Variants in CALN1 observed in about 807,000 individuals in gnomAD.
The protein encoded by CALN1 is calcium-binding protein 8.
CALN1 carries 17 observed loss-of-function variants against 30.6 expected under a neutral mutation model. The observed-to-expected ratio is 0.56, with a 90% CI of 0.38 to 0.83. CALN1 has a LOEUF of 0.83. Ranked by LOEUF, CALN1 falls within the 40% of genes least tolerant of loss-of-function variation. The pLI, the probability that CALN1 is intolerant of heterozygous loss-of-function variation, is 0.00. For synonymous variants in CALN1, 156 were observed against 131.4 expected (o/e 1.19, Z -1.28); for missense variants, 291 against 354.9 (o/e 0.82, Z 1.45).
chr7:72,036,349 G>A (rs1034104165), intron 4 of CALN1, among the ~76,000 whole-genome samples: 1 of 152,118 alleles, frequency 6.6e-6, no homozygotes, highest in African/African-American at 2.4e-5. Flanking sequence ...CCTGGATATT[G>A]TCAATCTCCT....
At chr7:72,287,875 A>T (rs943168644) in intron 2 of CALN1, among the ~76,000 whole-genome samples, 1 of 152,298 alleles carries the variant, frequency 6.6e-6, no homozygotes, top group East Asian at 1.9e-4. Flanking sequence ...TCTGAACTGC[A>T]TATCTAGATA....
At chr7:72,207,056 T>C (rs937035994) in intron 3 of CALN1, among the ~76,000 whole-genome samples, 2 of 152,208 alleles carry the variant, frequency 1.3e-5, no homozygotes, top group Non-Finnish European at 1.5e-5. Context: ...AATGATAAAA[T>C]ATCAACTATT....
At chr7:72,490,464 C>T in the CALN1 span, among the ~76,000 whole-genome samples, 2 of 152,202 alleles carry the variant, frequency 1.3e-5, no homozygotes. Context: ...TCTAACTTCT[C>T]TGACCTCAAT....
the CALN1 span, among the ~76,000 whole-genome samples, chr7:72,468,868 T>C: frequency 1.3e-5 from 2 of 152,222 alleles, no homozygotes; most frequent in East Asian, 1.9e-4. Context: ...TTTGGGGAAA[T>C]GCCTGTTCAA....
intron 5 of CALN1, among the ~76,000 whole-genome samples, chr7:71,942,044 C>T (rs1584565697): frequency 6.6e-6 from 1 of 152,002 alleles, no homozygotes; most frequent in Non-Finnish European, 1.5e-5. Flanking sequence ...ACTAAAAATA[C>T]AAAAAGTAGC....
chr7:72,472,477 G>A, the CALN1 span, among the ~76,000 whole-genome samples: 2 of 152,114 alleles, frequency 1.3e-5, no homozygotes, highest in African/African-American at 4.8e-5. Context: ...TGTGTTTCCA[G>A]TTCTGCAACG....
chr7:71,976,007 C>T (rs17137600), intron 5 of CALN1, among the ~76,000 whole-genome samples: 8,067 of 151,298 alleles, frequency 0.053, 512 homozygotes, highest in African/African-American at 0.16. Context: ...TTTGAGATCT[C>T]GAGTACACTC....
At chr7:71,995,724 C>T (rs758890524) in intron 5 of CALN1, among the ~76,000 whole-genome samples, 17 of 152,048 alleles carry the variant, frequency 1.1e-4, no homozygotes, top group Non-Finnish European at 2.1e-4. Flanking sequence ...ATCTCCCTCT[C>T]TCACCAAAAT....
chr7:72,180,997 C>G (rs1370816641), intron 3 of CALN1, among the ~76,000 whole-genome samples: 1 of 149,068 alleles, frequency 6.7e-6, no homozygotes, highest in African/African-American at 2.5e-5. Flanking sequence ...ACTTGGGAGG[C>G]TGGGGCAGGA....
At chr7:71,998,815 C>T (rs576817643) in intron 5 of CALN1, among the ~76,000 whole-genome samples, 2 of 151,984 alleles carry the variant, frequency 1.3e-5, no homozygotes, top group African/African-American at 4.8e-5. Flanking sequence ...CTTGGTCTCC[C>T]AAAGTGCTGG....
rs576483745 is a variant in CALN1, at chr7:71,899,342, C to T, written c.502-88850G>A. On this transcript the variant is annotated intron_variant, in intron 5 of 6. Transcript: ENST00000395275. ...ATTTTTAGTAGAGATGGAGTTTCTC[C>T]ATGTTGGTCAGGCTGGTCTCGAACT... Among the ~76,000 whole-genome samples the T allele has an allele frequency of 5.3e-5, 8 of 152,168 alleles. No individual in the cohort carries two copies. In the South Asian group the frequency reaches 1.7e-3, roughly 32 times the overall value.
At chr7:72,135,253 T>C (rs1050921117) in intron 3 of CALN1, among the ~76,000 whole-genome samples, 1 of 152,230 alleles carries the variant, frequency 6.6e-6, no homozygotes, top group Non-Finnish European at 1.5e-5. Flanking sequence ...ATCACAAATG[T>C]TCTTAATGGT....
At chr7:72,017,180 A>T (rs976744955) in intron 5 of CALN1, among the ~76,000 whole-genome samples, 9 of 133,610 alleles carry the variant, frequency 6.7e-5, no homozygotes, top group Admixed American at 5.3e-4. Flanking sequence ...TAAAAAAAAA[A>T]AAAAAAAAAA....
chr7:72,201,737 T>TTAAAAAAAAAA (rs1229060738), intron 3 of CALN1, among the ~76,000 whole-genome samples: 1 of 117,882 alleles, frequency 8.5e-6, no homozygotes, highest in Non-Finnish European at 1.8e-5. Context: ...TGAATCTGAT[T>TTAAAAAAAAAA]AAAAAAAAAA....
intron 3 of CALN1, among the ~76,000 whole-genome samples, chr7:72,213,284 G>A (rs775532014): frequency 3.3e-5 from 5 of 152,228 alleles, no homozygotes; most frequent in African/African-American, 4.8e-5. Flanking sequence ...GAGACAGGAA[G>A]TGGCAGTTCT....
At chr7:71,855,363 T>C (rs1209605603) in intron 5 of CALN1, among the ~76,000 whole-genome samples, 1 of 152,122 alleles carries the variant, frequency 6.6e-6, no homozygotes, top group African/African-American at 2.4e-5. Flanking sequence ...TTAGTGGAAA[T>C]GTGACATTCA....
chr7:72,109,452 C>A (rs1362929011), intron 3 of CALN1, among the ~76,000 whole-genome samples: 1 of 152,130 alleles, frequency 6.6e-6, no homozygotes, highest in South Asian at 2.1e-4. Flanking sequence ...CTCTTACACA[C>A]CCTATTAATC....
intron 5 of CALN1, among the ~76,000 whole-genome samples, chr7:71,994,763 T>C (rs1256547136): frequency 1.3e-5 from 2 of 151,406 alleles, no homozygotes; most frequent in South Asian, 2.1e-4. Flanking sequence ...CTTAAGGAGG[T>C]GGTGTCTGAT....
chr7:72,251,185 G>A (rs1235565977), intron 3 of CALN1, among the ~76,000 whole-genome samples: 1 of 152,048 alleles, frequency 6.6e-6, no homozygotes, highest in Non-Finnish European at 1.5e-5. Flanking sequence ...TTCTGCTTCT[G>A]ATGTGCCCAC....
Sources: gnomAD v4.1 joint callset for allele counts (sites outside exome capture counted in the v4.1 genomes callset) on GRCh38, gnomAD v4.1.1 for gene constraint, MANE v1.5 for transcripts, NCBI Gene and HGNC (gene_info 2026-07-23, HGNC 2026-07-21) for gene names.